The following DENND2A variants were observed in gnomAD, a reference collection of about 807,000 sequenced individuals.
DENND2A encodes DENN domain-containing protein 2A.
Under a neutral mutation model 105.3 loss-of-function variants are expected in DENND2A, and 53 were observed. The ratio of observed to expected loss-of-function variants is 0.50; its 90% confidence interval spans 0.40 to 0.63. DENND2A has a LOEUF of 0.63. Among genes scored for constraint, DENND2A ranks in the 30% least tolerant of loss-of-function variants. The pLI, the probability that DENND2A is intolerant of heterozygous loss-of-function variation, is 0.00. For missense variants in DENND2A, 1,138 were observed against 1,279.6 expected (o/e 0.89, Z 1.69); for synonymous variants, 522 against 508.4 (o/e 1.03, Z -0.36).
intron 18 of DENND2A, 55 bp from the exon 19 acceptor site, chr7:140,519,773 T>C (rs1334257621): frequency 6.7e-7 from 1 of 1,486,426 alleles, no homozygotes; most frequent in Non-Finnish European, 9.4e-7. Context: ...CACTTCTAAA[T>C]GTGTCCATTT....
At chr7:140,531,048 G>A (rs146241947) in intron 14 of DENND2A, among the ~76,000 whole-genome samples, 18 of 152,006 alleles carry the variant, frequency 1.2e-4, no homozygotes, top group South Asian at 6.2e-4. Flanking sequence ...TATGACTTTC[G>A]AAGGATCTAG....
Position 140,601,819 on chromosome 7 carries a change from G to A in DENND2A, c.579C>T (p.Asp193=). Residue 193 remains aspartate (D), a synonymous_variant, in exon 3 of 20, where the codon GAC becomes GAT. Coordinates refer to ENST00000496613, the MANE Select transcript of DENND2A (RefSeq NM_015689.5). ...GTCYSPHCPP[D]KAEAGSTLPE... is the part of the protein sequence containing the mutation. ...GAAGGGTGGACCCTGCCTCTGCCTT[G>A]TCAGGAGGGCAGTGTGGGGAGTAAC... 6.2e-7 allele frequency: 1 copy of A among 1,614,168 alleles called. No individual in the cohort carries two copies. Among genetic ancestry groups the A allele is most frequent in the Non-Finnish European group, 8.5e-7 (1 of 1,180,028 alleles).
chr7:140,590,111 C>T (rs547317486), intron 3 of DENND2A, among the ~76,000 whole-genome samples: 7 of 152,200 alleles, frequency 4.6e-5, no homozygotes, highest in Non-Finnish European at 8.8e-5. Context: ...TAATGCAGGC[C>T]GGGCGCGGTG....
At chr7:140,572,771 A>G (rs926543907) in intron 6 of DENND2A, among the ~76,000 whole-genome samples, 24 of 151,886 alleles carry the variant, frequency 1.6e-4, no homozygotes, top group African/African-American at 5.8e-4. Context: ...AAAAAAAAAA[A>G]AAGAAGTTGA....
At chr7:140,564,620 A>T (rs1312111479) in intron 9 of DENND2A, among the ~76,000 whole-genome samples, 1 of 152,202 alleles carries the variant, frequency 6.6e-6, no homozygotes, top group Non-Finnish European at 1.5e-5. Context: ...CTTTCCTAAT[A>T]CATTTCTGGA....
At chr7:140,568,708 C>T in intron 8 of DENND2A, 55 bp downstream of exon 8, 1 of 1,594,268 alleles carries the variant, frequency 6.3e-7, no homozygotes, top group South Asian at 1.1e-5. Flanking sequence ...GAGGGGCCAC[C>T]TTTGCAGCTT....
intron 16 of DENND2A, among the ~76,000 whole-genome samples, chr7:140,524,199 A>G (rs1349129443): frequency 6.6e-6 from 1 of 152,312 alleles, no homozygotes; most frequent in East Asian, 1.9e-4. Flanking sequence ...AAAAAACAGC[A>G]TTAATGCTAC....
At chr7:140,565,778 C>G (rs1191011863) in intron 9 of DENND2A, among the ~76,000 whole-genome samples, 1 of 151,954 alleles carries the variant, frequency 6.6e-6, no homozygotes, top group Non-Finnish European at 1.5e-5. Context: ...GAGGTCGGCA[C>G]AAAATACACG....
intron 14 of DENND2A, among the ~76,000 whole-genome samples, chr7:140,536,641 T>G (rs1334051835): frequency 1.3e-5 from 2 of 152,160 alleles, no homozygotes; most frequent in African/African-American, 4.8e-5. Context: ...TAACATTTAA[T>G]CAGGCTGTAC....
In DENND2A at chr7:140,527,178, A is replaced by G. The variant is rs1299063036; in HGVS notation, c.2505+140T>C. On this transcript the variant is annotated intron_variant, in intron 15 of 19. Transcript: ENST00000496613. The surrounding 1 kb of genome is among the most constrained non-coding windows in gnomAD (Gnocchi z 4.9). The stretch of plus-strand genomic sequence containing the variant: ...TCAGCCTCTGGGCAGGACCCATGCC[A>G]GACAAAGCCCTGGTGCCCCCACGCC... 1.1e-6 allele frequency: 1 copy of G among 907,336 alleles called. No homozygotes were observed. Among genetic ancestry groups the G allele is most frequent in the East Asian group, 2.8e-5 (1 of 36,146 alleles). 56.2% of individuals were successfully genotyped at this position (907,336 alleles called of 1,614,324 possible).
chr7:140,619,536 G>C (rs1467195092), intron 1 of DENND2A, among the ~76,000 whole-genome samples: 2 of 151,232 alleles, frequency 1.3e-5, no homozygotes, highest in Non-Finnish European at 2.9e-5. Flanking sequence ...CACTCACTCT[G>C]TTGCCCAGGC....
Position 140,527,193 on chromosome 7 carries a change from G to A in DENND2A, c.2505+125C>T. 1 of 1,048,602 alleles carries A rather than the reference G, an allele frequency of 9.5e-7. No homozygotes were observed. Among genetic ancestry groups the A allele is most frequent in the Non-Finnish European group, 1.3e-6 (1 of 751,992 alleles). 65.0% of individuals were successfully genotyped at this position (1,048,602 alleles called of 1,614,324 possible). On this transcript the variant is annotated intron_variant, in intron 15 of 19. Transcript: ENST00000496613. This position sits in a 1 kb window ranked among gnomAD's most constrained non-coding sequence, Gnocchi z 4.9. ...GACCCATGCCAGACAAAGCCCTGGT[G>A]CCCCCACGCCCTGCTCCCCAACACT...
intron 5 of DENND2A, among the ~76,000 whole-genome samples, chr7:140,581,218 C>A (rs198865): frequency 6.6e-6 from 1 of 151,746 alleles, no homozygotes; most frequent in South Asian, 2.1e-4. Context: ...GAGCCAAGAT[C>A]GAGCCACTGC....
At chr7:140,567,023 T>G in intron 9 of DENND2A, 63 bp downstream of exon 9, 2 of 1,437,528 alleles carry the variant, frequency 1.4e-6, no homozygotes, top group Non-Finnish European at 1.9e-6. Flanking sequence ...CCTCAATTCA[T>G]GAGTCCCAAC....
At chr7:140,612,697 T>A (rs1799943870) in intron 1 of DENND2A, among the ~76,000 whole-genome samples, 1 of 152,044 alleles carries the variant, frequency 6.6e-6, no homozygotes, top group Non-Finnish European at 1.5e-5. Context: ...AGATAGGACT[T>A]CTCCATATTG....
Position 140,551,465 on chromosome 7 carries a change from G to A in DENND2A, c.2037+4171C>T, listed in dbSNP as rs542172171. Among the ~76,000 whole-genome samples, 12 of 152,154 alleles carry A rather than the reference G, an allele frequency of 7.9e-5. No homozygotes were observed. The South Asian group carries it at 1.9e-3, about 24-fold the overall frequency. ...CCTTTTGTGCCTCTGCCATTGCCAC[G>A]AGAAGAGCACATGTGGGCCATCTCA... On this transcript the variant is annotated intron_variant, in intron 12 of 19. Transcript: ENST00000496613.
intron 3 of DENND2A, among the ~76,000 whole-genome samples, chr7:140,590,223 C>G (rs1229053412): frequency 6.6e-6 from 1 of 151,988 alleles, no homozygotes; most frequent in Non-Finnish European, 1.5e-5. Flanking sequence ...AACCTTGTCT[C>G]TACTGAAAAT....
At chr7:140,519,393 GAAGACAGC>G (rs1193131014) in intron 19 of DENND2A, among the ~76,000 whole-genome samples, 1 of 152,228 alleles carries the variant, frequency 6.6e-6, no homozygotes, top group African/African-American at 2.4e-5. Context: ...CATAGAGAAA[GAAGACAGC>G]AAGAAAGCCC....
At chr7:140,557,942 G>A (rs992100908) in intron 11 of DENND2A, among the ~76,000 whole-genome samples, 2 of 152,040 alleles carry the variant, frequency 1.3e-5, no homozygotes, top group African/African-American at 4.8e-5. Context: ...AAAGTGCTGG[G>A]TTTATAGGCA....
Sources: allele counts gnomAD v4.1 joint callset (sites outside exome capture counted in the v4.1 genomes callset), GRCh38; gene constraint gnomAD v4.1.1; non-coding constraint Gnocchi (gnomAD v3.1); transcripts MANE v1.5; gene names NCBI Gene and HGNC (gene_info 2026-07-23, HGNC 2026-07-21).